Variants in FKBP8 observed in about 807,000 individuals in gnomAD.
The protein encoded by FKBP8 is FKBP prolyl isomerase 8, also known as peptidyl-prolyl cis-trans isomerase FKBP8.
In FKBP8, 5 loss-of-function variants were observed where a neutral mutation model predicts 41.7. The observed-to-expected ratio is 0.12, with a 90% CI of 0.06 to 0.25. FKBP8 has a LOEUF of 0.25. Among genes scored for constraint, FKBP8 ranks in the 10% least tolerant of loss-of-function variants. The pLI is 1.00. For synonymous variants in FKBP8, 279 were observed against 254.5 expected (o/e 1.10, Z -0.92); for missense variants, 397 against 563.0 (o/e 0.71, Z 2.98).
intron 6 of FKBP8, among the ~76,000 whole-genome samples, chr19:18,533,691 G>A (rs567470513): frequency 6.6e-6 from 1 of 151,080 alleles, no homozygotes; most frequent in South Asian, 2.1e-4. Context: ...GTGACAGAGT[G>A]CAACCCTGTC....
In FKBP8 at chr19:18,537,110, G is replaced by A. The variant is rs141641362; in HGVS notation, c.945+491C>T. On this transcript the variant is annotated intron_variant, in intron 6 of 8. Transcript: ENST00000608443. The surrounding 1 kb of genome is among the most constrained non-coding windows in gnomAD (Gnocchi z 4.4). Reference sequence around the variant, plus strand: ...TCTCAGCACATGGGGAGACTGAGGCGGGCAGATCACTTGAGGTCAGGAGTT... The same window carrying A: ...TCTCAGCACATGGGGAGACTGAGGCAGGCAGATCACTTGAGGTCAGGAGTT... Among the ~76,000 whole-genome samples, 7 of 152,090 alleles carry A rather than the reference G, an allele frequency of 4.6e-5. No individual in the cohort carries two copies. The highest frequency in any genetic ancestry group is 1.4e-4 in the African/African-American group (6 of 41,416).
intron 7 of FKBP8, 46 bp downstream of exon 7, chr19:18,533,224 G>A (rs766255171): frequency 2.7e-6 from 4 of 1,500,830 alleles, no homozygotes; most frequent in African/African-American, 2.8e-5. Context: ...ACCGCAGGAG[G>A]GACTTCCCAG....
chr19:18,533,240 C>G (rs369530150), intron 7 of FKBP8, 30 bp downstream of exon 7: 2 of 1,533,972 alleles, frequency 1.3e-6, no homozygotes, highest in African/African-American at 2.7e-5. Context: ...CCCAGCCGAG[C>G]AAGTCCCAGG....
chr19:18,534,604 C>T (rs1208616477), intron 6 of FKBP8, among the ~76,000 whole-genome samples: 1 of 151,538 alleles, frequency 6.6e-6, no homozygotes, highest in Non-Finnish European at 1.5e-5. Context: ...CCTTTAGAGA[C>T]AGGGTCTTGA....
At chr19:18,533,025 A>C (rs1976484685) in intron 7 of FKBP8, 4 of 750,300 alleles carry the variant, frequency 5.3e-6, no homozygotes, top group African/African-American at 1.8e-5. Context: ...TTCTGGAAGG[A>C]AGGCCAAGGA....
chr19:18,535,706 A>G (rs8104360), intron 6 of FKBP8, among the ~76,000 whole-genome samples: 1,768 of 146,538 alleles, frequency 0.012, 44 homozygotes, highest in African/African-American at 0.043. Context: ...CCTGGGTGAC[A>G]GAGCAAGACT....
intron 1 of FKBP8, chr19:18,542,875 C>T: frequency 3.9e-6 from 5 of 1,282,250 alleles, no homozygotes; most frequent in Non-Finnish European, 5.1e-6. Flanking sequence ...CGCATCCCCT[C>T]CCTAACCCTC....
intron 6 of FKBP8, chr19:18,536,093 C>G (rs1208274252): frequency 1.3e-5 from 2 of 152,130 alleles, no homozygotes; most frequent in Non-Finnish European, 2.9e-5. Flanking sequence ...ACTGCATCTT[C>G]TCCCTCTTCA....
chr19:18,532,063 A>C lies in FKBP8; in HGVS notation c.*106T>G. 1.0e-6 allele frequency: 1 copy of C among 994,898 alleles called. No homozygotes were observed. Among genetic ancestry groups the C allele is most frequent in the South Asian group, 1.4e-5 (1 of 70,192 alleles). 61.6% of individuals were successfully genotyped at this position (994,898 alleles called of 1,614,324 possible). ...CCCAATCCTTGCTCCCCTAACCCGG[A>C]GGAGGGGGCCAGACCAGGGAGGGCA... On this transcript the variant is annotated 3_prime_UTR_variant, in exon 9 of 9. Coordinates refer to ENST00000608443, the MANE Select transcript of FKBP8 (RefSeq NM_012181.5).
At chr19:18,542,921 T>G in intron 1 of FKBP8, 1 of 1,278,466 alleles carries the variant, frequency 7.8e-7, no homozygotes. Flanking sequence ...AGCCCCACTT[T>G]GAGAGACCCT....
rs1976621436 is a variant in FKBP8, at chr19:18,538,149, G to A, written c.772+67C>T. 2.7e-6 allele frequency: 4 copies of A among 1,480,398 alleles called. No individual in the cohort carries two copies. The highest frequency in any genetic ancestry group is 3.7e-6 in the Non-Finnish European group (4 of 1,085,710). 91.7% of individuals were successfully genotyped at this position (1,480,398 alleles called of 1,614,324 possible). A position where few individuals can be genotyped will look rare whatever the true frequency, so the allele number is the denominator to read the frequency against. On this transcript the variant is annotated intron_variant, in intron 5 of 8. Coordinates refer to ENST00000608443, the MANE Select transcript of FKBP8 (RefSeq NM_012181.5). This position sits in a 1 kb window ranked among gnomAD's most constrained non-coding sequence, Gnocchi z 4.0. ...TCTGAGTCTGAGGCTCTCTGGGGCT[G>A]GAAGTTTCTGGCACGGAGTGGACAC...
At chr19:18,539,337 G>C in intron 4 of FKBP8, 34 bp downstream of exon 4, 1 of 1,581,054 alleles carries the variant, frequency 6.3e-7, no homozygotes, top group Non-Finnish European at 8.6e-7. Context: ...CCCCTCCTGA[G>C]ACCTGCAGAG....
chr19:18,532,735 T>C lies in FKBP8; in HGVS notation c.1084A>G (p.Thr362Ala). 6.2e-7 allele frequency: 1 copy of C among 1,614,120 alleles called. No homozygotes were observed. The highest frequency in any genetic ancestry group is 2.2e-5 in the East Asian group (1 of 44,872). Reference sequence around the variant, plus strand: ...CCCAGCATTTTCCGGTACAAGGCGGTCTCCGTGCTCCGCTGCGCCGCATGC... The same window carrying C: ...CCCAGCATTTTCCGGTACAAGGCGGCCTCCGTGCTCCGCTGCGCCGCATGC... ...KKHAAQRSTE[T>A]ALYRKMLGNP... is the part of the protein sequence containing the mutation. Residue 362 changes from threonine to alanine, a missense_variant, in exon 8 of 9, where the codon ACC becomes GCC. Around this residue, in one of 2 missense-constraint regions of FKBP8, gnomAD observed 225 missense variants for 366.8 expected, o/e 0.61. Transcript: ENST00000608443.
At chr19:18,539,776 C>T in intron 2 of FKBP8, 56 bp from the exon 3 acceptor site, 1 of 1,581,524 alleles carries the variant, frequency 6.3e-7, no homozygotes, top group Non-Finnish European at 8.6e-7. Context: ...CAGGCACCCG[C>T]TCCCCTGAGC....
intron 1 of FKBP8, chr19:18,542,967 C>T (rs1447786932): frequency 1.7e-6 from 2 of 1,194,066 alleles, no homozygotes; most frequent in Non-Finnish European, 2.2e-6. Flanking sequence ...CGCGCCCGCA[C>T]AATTCGGCCT....
chr19:18,542,059 C>G, intron 1 of FKBP8, 64 bp from the exon 2 acceptor site: 1 of 1,528,324 alleles, frequency 6.5e-7, no homozygotes, highest in Non-Finnish European at 8.8e-7. Context: ...CTCCACTGTA[C>G]TGATTCCCCA....
chr19:18,538,795 G>C lies in FKBP8; in HGVS notation c.552-359C>G, dbSNP rs994628283. On this transcript the variant is annotated intron_variant, in intron 4 of 8. Transcript: ENST00000608443. The surrounding 1 kb of genome is among the most constrained non-coding windows in gnomAD (Gnocchi z 4.0). ...CCTCAGTAGCTGGGACTACAGGTGT[G>C]CACCACACCCAGCTTTTTTTTTTTT... is the stretch of plus-strand genomic sequence containing the variant. Among the ~76,000 whole-genome samples the C allele has an allele frequency of 3.4e-5, 5 of 145,576 alleles. No individual in the cohort carries two copies. The highest frequency in any genetic ancestry group is 6.0e-5 in the Non-Finnish European group (4 of 67,034).
chr19:18,532,269 G>C lies in FKBP8; in HGVS notation c.1156-14C>G, dbSNP rs1476768930. The C allele has an allele frequency of 1.9e-6, 3 of 1,593,120 alleles. No homozygotes were observed. Among genetic ancestry groups the C allele is most frequent in the East Asian group, 4.5e-5 (2 of 44,184 alleles). On this transcript the variant is annotated splice_polypyrimidine_tract_variant and intron_variant, in intron 8 of 8. Transcript: ENST00000608443. The stretch of plus-strand genomic sequence containing the variant: ...CCATGGGATGGACTGTGGATAAAAA[G>C]GAGGGGAGAGAAGGGTGGAGGGAGG...
At position 18,541,694 on chromosome 19, in the gene FKBP8, A is replaced by G. The variant is rs1976704312; in HGVS notation, c.277T>C (p.Trp93Arg). The change falls in exon 2 of 9, where the codon TGG becomes CGG. Residue 93 changes from tryptophan (W) to arginine (R), a missense_variant. By Grantham distance (101) the Trp-to-Arg change is moderately radical (BLOSUM62 -3). Around this residue, in one of 2 missense-constraint regions of FKBP8, gnomAD observed 172 missense variants for 196.2 expected, o/e 0.88. Coordinates refer to ENST00000608443, the MANE Select transcript of FKBP8 (RefSeq NM_012181.5). The stretch of plus-strand genomic sequence containing the variant: ...TGCTCCTTACCCAGAATGTCCAGCC[A>G]CTCTTCTGGGGCCGGGGCTGGGGCG... ...EPAPAPAPEE[W>R]LDILGNGLLR... 6.2e-7 allele frequency: 1 copy of G among 1,608,138 alleles called. No individual in the cohort carries two copies. The highest frequency in any genetic ancestry group is 8.5e-7 in the Non-Finnish European group (1 of 1,176,466).
Sources: allele counts gnomAD v4.1 joint callset (sites outside exome capture counted in the v4.1 genomes callset), GRCh38; gene constraint gnomAD v4.1.1; regional missense constraint gnomAD v4.1.1; non-coding constraint Gnocchi (gnomAD v3.1); transcripts MANE v1.5; gene names NCBI Gene and HGNC (gene_info 2026-07-23, HGNC 2026-07-21).